The following DPY19L3 variants were observed in gnomAD, a reference collection of about 807,000 sequenced individuals.
DPY19L3 encodes dpy-19 like C-mannosyltransferase 3, also known as protein C-mannosyl-transferase DPY19L3.
Under a neutral mutation model 92.3 loss-of-function variants are expected in DPY19L3, and 51 were observed. That is an observed-to-expected ratio of 0.55 (90% CI 0.44 to 0.70). The LOEUF (loss-of-function observed/expected upper bound fraction) is 0.70, where lower values mean the gene tolerates loss of function less well. DPY19L3 is among the 30% of genes least tolerant of loss of function. The probability of loss-of-function intolerance (pLI) is 0.00; values close to 1 mark genes in which losing one functional copy is unlikely to be tolerated. For missense variants in DPY19L3, 706 were observed against 855.9 expected, an observed-to-expected ratio of 0.82 and a Z score of 2.18; for synonymous variants, 309 against 315.2, an observed-to-expected ratio of 0.98 and a Z score of 0.21.
chr19:32,433,966 CCTT>C (rs1185757650), intron 4 of DPY19L3, among the ~76,000 whole-genome samples: 1 of 152,118 alleles, frequency 6.6e-6, no homozygotes, highest in Non-Finnish European at 1.5e-5. Context: ...TGTCATTCCT[CCTT>C]ATTTATTAGT....
Position 32,436,434 on chromosome 19 carries a change from A to G in DPY19L3, c.329-12A>G, listed in dbSNP as rs780614115. The G allele has an allele frequency of 1.4e-6, 2 of 1,461,122 alleles. No individual in the cohort carries two copies. Among genetic ancestry groups the G allele is most frequent in the Non-Finnish European group, 1.9e-6 (2 of 1,075,436 alleles). The allele number at this position is 1,461,122 out of a possible 1,614,324, so 90.5% of individuals were successfully genotyped here. ...GTAATTATTTTCTTCCTGACTTTTC[A>G]CATATCTATAGGTTTTCATGGCCTA... On this transcript the variant is annotated splice_polypyrimidine_tract_variant and intron_variant, in intron 4 of 18. Coordinates refer to ENST00000392250, the MANE Select transcript of DPY19L3 (RefSeq NM_001172774.2).
chr19:32,429,851 C>T (rs947780051), intron 3 of DPY19L3, among the ~76,000 whole-genome samples: 2 of 152,142 alleles, frequency 1.3e-5, no homozygotes, highest in Non-Finnish European at 2.9e-5. Flanking sequence ...TTCATAGCCT[C>T]TGTGGTTATT....
intron 4 of DPY19L3, 85 bp from the exon 5 acceptor site, chr19:32,436,361 T>C: frequency 9.2e-7 from 1 of 1,081,206 alleles, no homozygotes; most frequent in Non-Finnish European, 1.3e-6. Flanking sequence ...TCTCTAGCAC[T>C]TACTAAACAA....
chr19:32,459,550 C>G (rs1458102375), intron 12 of DPY19L3, among the ~76,000 whole-genome samples: 1 of 152,118 alleles, frequency 6.6e-6, no homozygotes, highest in Admixed American at 6.5e-5. Flanking sequence ...ATACCTAACC[C>G]AAGATAAAAT....
chr19:32,480,839 A>G (rs1412564382), intron 18 of DPY19L3: 2 of 492,856 alleles, frequency 4.1e-6, no homozygotes, highest in Non-Finnish European at 7.1e-6. Flanking sequence ...GGGGCTCTGC[A>G]TAAAATGTAT....
At chr19:32,407,264 T>TCCCCCCCCCCCCCCCCCCCCCC (rs148363125) in intron 1 of DPY19L3, among the ~76,000 whole-genome samples, 9 of 81,304 alleles carry the variant, frequency 1.1e-4, no homozygotes, top group Non-Finnish European at 1.5e-4. Context: ...AGGCTCCTGC[T>TCCCCCCCCCCCCCCCCCCCCCC]CCCCCCCACC....
At chr19:32,458,253 C>T (rs1969929087) in intron 11 of DPY19L3, 80 bp downstream of exon 11, 1 of 1,577,378 alleles carries the variant, frequency 6.3e-7, no homozygotes, top group East Asian at 2.2e-5. Flanking sequence ...GTCATTGTGC[C>T]TTCAACTATT....
Position 32,464,738 on chromosome 19 carries a change from T to C in DPY19L3, c.1568T>C (p.Met523Thr), listed in dbSNP as rs776618854. The C allele has an allele frequency of 8.0e-6, 12 of 1,508,244 alleles. No homozygotes were observed. In the South Asian group the frequency reaches 1.4e-4, roughly 17 times the overall value. 93.4% of individuals were successfully genotyped at this position (1,508,244 alleles called of 1,614,324 possible). Residue 523 changes from methionine (M) to threonine (T), a missense_variant, in exon 15 of 19, where the codon ATG (methionine) becomes ACG (threonine). By Grantham distance (81) the Met-to-Thr change is moderately conservative. Transcript: ENST00000392250. ...GTCTTTCTTATATAGATATGTATAA[T>C]GCGATATTCAGTACCGATATTAATA... ...HLYNPKRICI[M>T]RYSVPILILL...
intron 8 of DPY19L3, among the ~76,000 whole-genome samples, chr19:32,446,200 T>C (rs896405394): frequency 1.6e-4 from 24 of 152,102 alleles, no homozygotes; most frequent in Admixed American, 1.6e-3. Flanking sequence ...ATGCATAATG[T>C]AATAGCCAGA....
chr19:32,444,966 G>A (rs1457867722), intron 8 of DPY19L3, among the ~76,000 whole-genome samples: 1 of 150,958 alleles, frequency 6.6e-6, no homozygotes, highest in Non-Finnish European at 1.5e-5. Flanking sequence ...GTAGCAACGT[G>A]CCTGAGGTCT....
chr19:32,419,939 A>T (rs536708421), intron 3 of DPY19L3, among the ~76,000 whole-genome samples: 21 of 146,542 alleles, frequency 1.4e-4, no homozygotes, highest in African/African-American at 5.1e-4. Context: ...GGCTCACTGC[A>T]ACCTCCGCAT....
intron 8 of DPY19L3, among the ~76,000 whole-genome samples, chr19:32,442,414 G>A (rs567304427): frequency 6.6e-6 from 1 of 152,316 alleles, no homozygotes; most frequent in East Asian, 1.9e-4. Context: ...AAGAGATCAT[G>A]TTAAGTACCC....
chr19:32,428,838 T>G lies in DPY19L3; in HGVS notation c.238-3878T>G, dbSNP rs568862069. On this transcript the variant is annotated intron_variant, in intron 3 of 18. Coordinates refer to ENST00000392250, the MANE Select transcript of DPY19L3 (RefSeq NM_001172774.2). ...GCTGTACAGTTTTTTTTTTGTTTTT[T>G]TTCTTGTTGTTGTTGTTTGTTTGTT... Among the ~76,000 whole-genome samples, 29 of 151,820 alleles carry G rather than the reference T, an allele frequency of 1.9e-4. 1 individual carries two copies. Among genetic ancestry groups the G allele is most frequent in the South Asian group, 8.3e-4 (4 of 4,814 alleles).
chr19:32,446,859 C>T (rs1969516486), intron 8 of DPY19L3, among the ~76,000 whole-genome samples: 1 of 152,144 alleles, frequency 6.6e-6, no homozygotes. Context: ...CTTCAACCGA[C>T]AGAATCTAAT....
At position 32,483,906 on chromosome 19, in the gene DPY19L3, G is replaced by A. The variant is rs963126216; in HGVS notation, c.*1666G>A. On this transcript the variant is annotated 3_prime_UTR_variant, in exon 19 of 19. Transcript: ENST00000392250. ...AGCATGGGTCAGTACATCCTTCAGC[G>A]AGTGCCTTACTCTAATTGAAACCAA... The A allele has an allele frequency of 1.3e-5, 2 of 152,670 alleles. No individual in the cohort carries two copies. The highest frequency in any genetic ancestry group is 2.9e-5 in the Non-Finnish European group (2 of 68,024). 9.5% of individuals were successfully genotyped at this position (152,670 alleles called of 1,614,324 possible). A position where few individuals can be genotyped will look rare whatever the true frequency, so the allele number is the denominator to read the frequency against.
intron 15 of DPY19L3, among the ~76,000 whole-genome samples, chr19:32,465,663 A>G (rs1296211409): frequency 6.6e-6 from 1 of 152,150 alleles, no homozygotes; most frequent in East Asian, 1.9e-4. Context: ...TTATTTGCTT[A>G]TATTTTCATG....
At position 32,463,398 on chromosome 19, in the gene DPY19L3, T is replaced by G. The variant is rs1474537599; in HGVS notation, c.1355T>G (p.Met452Arg). ...ACAAATCAACAATCCGTGGGTAAAA[T>G]GGAAAAAGGCACAGTTGACCTGAAA... ...DSTNQQSVGKMEKGTVDLKPE... is the reference protein window; with the variant it reads ...DSTNQQSVGKREKGTVDLKPE... Residue 452 changes from methionine (M) to arginine (R), a missense_variant, in exon 13 of 19, where the codon ATG (methionine) becomes AGG (arginine). Physicochemically the swap from Met to Arg is moderately conservative, Grantham distance 91. Coordinates refer to ENST00000392250, the MANE Select transcript of DPY19L3 (RefSeq NM_001172774.2). 6.2e-7 allele frequency: 1 copy of G among 1,613,798 alleles called. No homozygotes were observed. Among genetic ancestry groups the G allele is most frequent in the South Asian group, 1.1e-5 (1 of 91,078 alleles).
intron 3 of DPY19L3, among the ~76,000 whole-genome samples, chr19:32,413,792 C>T (rs1336834029): frequency 6.6e-6 from 1 of 152,068 alleles, no homozygotes; most frequent in Non-Finnish European, 1.5e-5. Flanking sequence ...ACAATTACAG[C>T]TCGCTGCAGC....
At chr19:32,448,552 A>G (rs990014995) in intron 8 of DPY19L3, among the ~76,000 whole-genome samples, 1 of 152,194 alleles carries the variant, frequency 6.6e-6, no homozygotes, top group African/African-American at 2.4e-5. Flanking sequence ...CTATATTCTT[A>G]TTATAAAGTA....
Sources: gnomAD v4.1 joint callset for allele counts (sites outside exome capture counted in the v4.1 genomes callset) on GRCh38, gnomAD v4.1.1 for gene constraint, MANE v1.5 for transcripts, NCBI Gene and HGNC (gene_info 2026-07-23, HGNC 2026-07-21) for gene names.